RASEF: variants seen among roughly 807,000 people sequenced by gnomAD.
RASEF encodes the protein RAS and EF-hand domain containing.
Under a neutral mutation model 90.1 loss-of-function variants are expected in RASEF, and 68 were observed. The observed-to-expected ratio is 0.75, with a 90% CI of 0.62 to 0.92. The LOEUF is 0.92. Among genes scored for constraint, RASEF ranks in the 40% least tolerant of loss-of-function variants. RASEF has a pLI of 0.00. For synonymous variants in RASEF, 331 were observed against 345.2 expected (o/e 0.96, Z 0.46); for missense variants, 949 against 937.2 (o/e 1.01, Z -0.16).
chr9:82,996,964 C>T, intron 14 of RASEF, 48 bp downstream of exon 14: 1 of 1,127,596 alleles, frequency 8.9e-7, no homozygotes. Context: ...CCAAGATGGC[C>T]TAAAACTTCC....
chr9:83,022,456 A>C (rs769859900), intron 2 of RASEF, 30 bp from the exon 3 acceptor site: 3 of 1,497,156 alleles, frequency 2.0e-6, no homozygotes, highest in Non-Finnish European at 2.8e-6. Context: ...ACACCTTTTC[A>C]TTATACTCTT....
At chr9:83,009,832 T>G (rs1351526723) in intron 5 of RASEF, 76 bp from the exon 6 acceptor site, 2 of 831,606 alleles carry the variant, frequency 2.4e-6, no homozygotes, top group East Asian at 5.0e-5. Context: ...AAGTGTCCTG[T>G]CACCCTCCCA....
chr9:83,119,411 CTT>C, the RASEF span, among the ~76,000 whole-genome samples: 1 of 152,100 alleles, frequency 6.6e-6, no homozygotes, highest in African/African-American at 2.4e-5. Flanking sequence ...TATAAGGAAA[CTT>C]TTCACATTGA....
At chr9:83,034,051 G>GA (rs1219359586) in intron 1 of RASEF, among the ~76,000 whole-genome samples, 1 of 152,140 alleles carries the variant, frequency 6.6e-6, no homozygotes, top group Non-Finnish European at 1.5e-5. Flanking sequence ...AAATTAACTA[G>GA]AAAATAAATT....
chr9:82,994,006 GATGAAAAC>G (rs1335228148), intron 14 of RASEF, among the ~76,000 whole-genome samples: 3 of 152,182 alleles, frequency 2.0e-5, no homozygotes, highest in African/African-American at 7.2e-5. Context: ...TGGCAGCCCT[GATGAAAAC>G]ATGTGGAAAT....
chr9:83,008,865 T>G (rs1167293774), intron 6 of RASEF, among the ~76,000 whole-genome samples: 1 of 135,622 alleles, frequency 7.4e-6, no homozygotes, highest in Non-Finnish European at 1.6e-5. Flanking sequence ...TTTGCTTTTT[T>G]TCCCAACTAA....
chr9:83,207,078 C>T, the RASEF span, among the ~76,000 whole-genome samples: 1 of 152,152 alleles, frequency 6.6e-6, no homozygotes. Context: ...CCTGATCTTG[C>T]TCCGCACATG....
chr9:83,007,109 A>AC (rs1050135502), intron 7 of RASEF, among the ~76,000 whole-genome samples: 1 of 150,996 alleles, frequency 6.6e-6, no homozygotes, highest in African/African-American at 2.4e-5. Context: ...AAAAAAAAAA[A>AC]ACTCACGGTA....
the RASEF span, among the ~76,000 whole-genome samples, chr9:83,099,781 A>C: frequency 6.6e-6 from 1 of 152,198 alleles, no homozygotes; most frequent in Admixed American, 6.5e-5. Context: ...GCAGCCTCTA[A>C]ATTTGTGAGC....
the RASEF span, among the ~76,000 whole-genome samples, chr9:83,215,027 G>A: frequency 6.6e-6 from 1 of 151,444 alleles, no homozygotes; most frequent in Non-Finnish European, 1.5e-5. Context: ...AAAGAGATGA[G>A]ACAAGCAGAA....
chr9:83,123,411 C>T, the RASEF span, among the ~76,000 whole-genome samples: 1 of 152,104 alleles, frequency 6.6e-6, no homozygotes, highest in Admixed American at 6.5e-5. Flanking sequence ...GCTGGGGAGA[C>T]CTGCCTTGCT....
the RASEF span, among the ~76,000 whole-genome samples, chr9:83,155,346 A>G: frequency 1.3e-5 from 2 of 152,152 alleles, no homozygotes; most frequent in African/African-American, 4.8e-5. Flanking sequence ...AAAGAGGTTT[A>G]ATGGACTCAC....
At chr9:83,122,419 G>GTGTA in the RASEF span, among the ~76,000 whole-genome samples, 2 of 152,320 alleles carry the variant, frequency 1.3e-5, no homozygotes, top group East Asian at 3.9e-4. Context: ...AACAGCTGAG[G>GTGTA]TGTAAGCAGC....
At chr9:83,043,969 A>T (rs1220723758) in intron 1 of RASEF, among the ~76,000 whole-genome samples, 1 of 152,126 alleles carries the variant, frequency 6.6e-6, no homozygotes, top group Non-Finnish European at 1.5e-5. Flanking sequence ...GGAACGGAAT[A>T]ATGAATCTAG....
intron 6 of RASEF, among the ~76,000 whole-genome samples, chr9:83,008,891 CATATATATATATATATATATATATATA>C (rs1188979990): frequency 5.1e-5 from 1 of 19,564 alleles, no homozygotes; most frequent in Admixed American, 5.1e-4. Context: ...AAGTTCTCAT[CATATATATATATATATATATATATATA>C]TATATATATA....
the RASEF span, among the ~76,000 whole-genome samples, chr9:83,147,107 G>A: frequency 1.7e-3 from 261 of 150,104 alleles, no homozygotes; most frequent in Middle Eastern, 7.0e-3. Flanking sequence ...TGGTAAACCC[G>A]GATTAGAACA....
At chr9:83,147,001 C>A in the RASEF span, among the ~76,000 whole-genome samples, 1 of 130,496 alleles carries the variant, frequency 7.7e-6, no homozygotes, top group Non-Finnish European at 1.6e-5. Context: ...TATGTGTGTG[C>A]GTGTGTATAT....
chr9:83,073,504 G>A, the RASEF span, among the ~76,000 whole-genome samples: 8 of 152,052 alleles, frequency 5.3e-5, no homozygotes, highest in African/African-American at 1.9e-4. Flanking sequence ...AGTGAAGGCA[G>A]TGTACAACCA....
chr9:83,042,500 T>C (rs1278291684), intron 1 of RASEF, among the ~76,000 whole-genome samples: 1 of 152,214 alleles, frequency 6.6e-6, no homozygotes. Context: ...TATAACTCCA[T>C]GTTTTGTGCT....
Sources: allele counts gnomAD v4.1 joint callset (sites outside exome capture counted in the v4.1 genomes callset), GRCh38; gene constraint gnomAD v4.1.1; transcripts MANE v1.5; gene names NCBI Gene and HGNC (gene_info 2026-07-23, HGNC 2026-07-21).